The following SORBS2 variants were observed in gnomAD, a reference collection of about 807,000 sequenced individuals.
The protein encoded by SORBS2 is sorbin and SH3 domain-containing protein 2.
SORBS2 carries 46 observed loss-of-function variants against 97.7 expected under a neutral mutation model. That is an observed-to-expected ratio of 0.47 (90% CI 0.37 to 0.60). SORBS2 has a LOEUF of 0.60. Ranked by LOEUF, SORBS2 falls within the 20% of genes least tolerant of loss-of-function variation. The pLI, the probability that SORBS2 is intolerant of heterozygous loss-of-function variation, is 0.00. For missense variants in SORBS2, 1,316 were observed against 1,282.3 expected (o/e 1.03, Z -0.40); for synonymous variants, 476 against 473.4 (o/e 1.01, Z -0.07).
chr4:185,793,333 G>A (rs1035716765), intron 1 of SORBS2, among the ~76,000 whole-genome samples: 3 of 152,192 alleles, frequency 2.0e-5, no homozygotes, highest in Non-Finnish European at 4.4e-5. Flanking sequence ...TTAGAAAACA[G>A]TGAGCTCCCA....
intron 2 of SORBS2, among the ~76,000 whole-genome samples, chr4:185,709,461 T>G (rs2098398114): frequency 6.6e-6 from 1 of 152,136 alleles, no homozygotes; most frequent in African/African-American, 2.4e-5. Context: ...CTGCCAATTT[T>G]CCAAGTGTTG....
At chr4:185,657,275 C>T, upstream of SORBS2, 1 of 624,498 alleles carries the variant, frequency 1.6e-6, no homozygotes, top group Non-Finnish European at 2.5e-6. Flanking sequence ...TTCTCTGCCA[C>T]ACACAGCATA....
At chr4:185,743,250 C>T (rs1210401573) in intron 2 of SORBS2, among the ~76,000 whole-genome samples, 1 of 152,122 alleles carries the variant, frequency 6.6e-6, no homozygotes, top group Non-Finnish European at 1.5e-5. Flanking sequence ...GGGAAATTTG[C>T]TGTTAATAAG....
chr4:185,826,638 A>G (rs1210417211), intron 1 of SORBS2, among the ~76,000 whole-genome samples: 1 of 152,154 alleles, frequency 6.6e-6, no homozygotes, highest in Non-Finnish European at 1.5e-5. Context: ...TTTTCACCTA[A>G]TTCACTGGGT....
intron 2 of SORBS2, among the ~76,000 whole-genome samples, chr4:185,687,209 A>G (rs1425755239): frequency 1.3e-5 from 2 of 152,190 alleles, no homozygotes; most frequent in South Asian, 2.1e-4. Context: ...TAAAATTTTT[A>G]CAGGGATAGG....
chr4:185,952,605 G>T (rs1340949366), intron 1 of SORBS2, among the ~76,000 whole-genome samples: 1 of 152,228 alleles, frequency 6.6e-6, no homozygotes, highest in Non-Finnish European at 1.5e-5. Flanking sequence ...AATAGGGAGA[G>T]TCTGGAGGGT....
At chr4:185,823,781 T>C (rs990915199) in intron 1 of SORBS2, among the ~76,000 whole-genome samples, 6 of 152,180 alleles carry the variant, frequency 3.9e-5, no homozygotes, top group East Asian at 1.9e-4. Flanking sequence ...TCATGTGTAA[T>C]TTTTCTGTGG....
At chr4:185,611,740 G>T in intron 12 of SORBS2, 40 bp downstream of exon 24, 1 of 1,503,876 alleles carries the variant, frequency 6.6e-7, no homozygotes. Flanking sequence ...CTTACTTGGA[G>T]CTTCCAATAT....
chr4:185,797,291 G>A (rs1027589409), intron 1 of SORBS2, among the ~76,000 whole-genome samples: 1 of 152,200 alleles, frequency 6.6e-6, no homozygotes, highest in Admixed American at 6.5e-5. Context: ...CGTCACCTTA[G>A]TTCATGCCCA....
At chr4:185,595,842 A>G (rs1187914605) in intron 12 of SORBS2, among the ~76,000 whole-genome samples, 1 of 151,674 alleles carries the variant, frequency 6.6e-6, no homozygotes, top group Non-Finnish European at 1.5e-5. Flanking sequence ...CTTTTGAACT[A>G]TTCTTTAGAA....
At chr4:185,691,047 A>C (rs562468807) in intron 2 of SORBS2, among the ~76,000 whole-genome samples, 5 of 151,834 alleles carry the variant, frequency 3.3e-5, no homozygotes. Flanking sequence ...TTACAGGCAC[A>C]TGCCACCACA....
At chr4:185,747,355 C>T (rs183013525) in intron 2 of SORBS2, among the ~76,000 whole-genome samples, 131 of 152,310 alleles carry the variant, frequency 8.6e-4, no homozygotes, top group Non-Finnish European at 1.6e-3. Flanking sequence ...AGGCTTTAAA[C>T]GATGAACAAG....
intron 6 of SORBS2, among the ~76,000 whole-genome samples, chr4:185,624,912 T>C (rs574045099): frequency 1.3e-5 from 2 of 152,346 alleles, no homozygotes; most frequent in South Asian, 2.1e-4. Context: ...CGCAATTTAA[T>C]AGGGCCGGAA....
intron 2 of SORBS2, among the ~76,000 whole-genome samples, chr4:185,702,742 C>A (rs1020416693): frequency 2.0e-5 from 3 of 151,456 alleles, no homozygotes; most frequent in Non-Finnish European, 4.4e-5. Context: ...CACTTCACTT[C>A]GATGAGCCTG....
At chr4:185,602,737 A>G (rs2096292070) in intron 12 of SORBS2, among the ~76,000 whole-genome samples, 1 of 135,770 alleles carries the variant, frequency 7.4e-6, no homozygotes. Context: ...AAGGCTTCGG[A>G]CTCAGATTGG....
At chr4:185,952,513 T>A (rs2099277694) in intron 1 of SORBS2, among the ~76,000 whole-genome samples, 1 of 152,196 alleles carries the variant, frequency 6.6e-6, no homozygotes, top group African/African-American at 2.4e-5. Flanking sequence ...CTAGATTTAA[T>A]CACTACTAAG....
chr4:185,938,420 A>C (rs556881764), intron 1 of SORBS2, among the ~76,000 whole-genome samples: 2 of 151,598 alleles, frequency 1.3e-5, no homozygotes, highest in South Asian at 4.2e-4. Flanking sequence ...ACACACACAC[A>C]CACACACACA....
chr4:185,622,594 C>T (rs966939468), intron 7 of SORBS2, among the ~76,000 whole-genome samples: 2 of 152,166 alleles, frequency 1.3e-5, no homozygotes, highest in South Asian at 2.1e-4. Flanking sequence ...CATGTCACAA[C>T]GTAATTTATT....
intron 1 of SORBS2, among the ~76,000 whole-genome samples, chr4:185,846,182 G>A (rs985912220): frequency 3.9e-5 from 6 of 152,172 alleles, no homozygotes; most frequent in African/African-American, 1.2e-4. Context: ...ATACAGAAAC[G>A]ATGGTACATC....
Sources: gnomAD v4.1 joint callset for allele counts (sites outside exome capture counted in the v4.1 genomes callset) on GRCh38, gnomAD v4.1.1 for gene constraint, MANE v1.5 for transcripts, NCBI Gene and HGNC (gene_info 2026-07-23, HGNC 2026-07-21) for gene names.